MAML2: variants seen among roughly 807,000 people sequenced by gnomAD.
MAML2 encodes mastermind-like protein 2.
In MAML2, 22 loss-of-function variants were observed where a neutral mutation model predicts 96.1. The ratio of observed to expected loss-of-function variants is 0.23; its 90% CI spans 0.16 to 0.33. MAML2 has a LOEUF of 0.33. MAML2 is among the 10% of genes least tolerant of loss of function. The pLI, the probability that MAML2 is intolerant of heterozygous loss-of-function variation, is 1.00. For synonymous variants in MAML2, 561 were observed against 521.3 expected (o/e 1.08, Z -1.04); for missense variants, 1,367 against 1,392.4 (o/e 0.98, Z 0.29).
intron 2 of MAML2, among the ~76,000 whole-genome samples, chr11:96,039,110 T>A (rs1858764179): frequency 6.6e-6 from 1 of 152,042 alleles, no homozygotes; most frequent in Non-Finnish European, 1.5e-5. Flanking sequence ...AAAGAATTAG[T>A]CAGGCATGAT....
Position 95,978,445 on chromosome 11 carries a change from A to T in MAML2, c.*503T>A, listed in dbSNP as rs537580357. ...ATTTGCATACTGTTTGGTTACTCCAAACAAACCTATAACATTTCAATCTAT... is the reference window on the plus strand; with the variant it reads ...ATTTGCATACTGTTTGGTTACTCCATACAAACCTATAACATTTCAATCTAT... On this transcript the variant is annotated 3_prime_UTR_variant, in exon 5 of 5. Transcript: ENST00000524717. 4 of 198,394 alleles carry T rather than the reference A, an allele frequency of 2.0e-5. No homozygotes were observed. The highest frequency in any genetic ancestry group is 4.6e-5 in the African/African-American group (2 of 43,502). 12.3% of individuals were successfully genotyped at this position (198,394 alleles called of 1,614,324 possible). A position where few individuals can be genotyped will look rare whatever the true frequency, so the allele number is the denominator to read the frequency against.
intron 1 of MAML2, among the ~76,000 whole-genome samples, chr11:96,224,435 C>T (rs1294930191): frequency 6.6e-6 from 1 of 152,206 alleles, no homozygotes; most frequent in Admixed American, 6.5e-5. Flanking sequence ...CTATACTTTC[C>T]TACCTCTATG....
chr11:96,283,838 C>A (rs1284529888), intron 1 of MAML2, among the ~76,000 whole-genome samples: 1 of 152,158 alleles, frequency 6.6e-6, no homozygotes, highest in Non-Finnish European at 1.5e-5. Flanking sequence ...ACCTAGAAAA[C>A]AAAAATTTGA....
intron 1 of MAML2, among the ~76,000 whole-genome samples, chr11:96,340,617 G>GT (rs1454905302): frequency 6.6e-6 from 1 of 152,194 alleles, no homozygotes; most frequent in African/African-American, 2.4e-5. Flanking sequence ...TGAAGACAAG[G>GT]TATTTCCTAG....
At chr11:96,282,916 T>C (rs745526270) in intron 1 of MAML2, among the ~76,000 whole-genome samples, 24 of 152,228 alleles carry the variant, frequency 1.6e-4, no homozygotes, top group African/African-American at 4.1e-4. Context: ...CTTCCACTTA[T>C]ATTTTCCTTT....
chr11:96,130,232 A>C (rs1860523326), intron 1 of MAML2, among the ~76,000 whole-genome samples: 2 of 152,236 alleles, frequency 1.3e-5, no homozygotes, highest in African/African-American at 4.8e-5. Context: ...TCTTGTGCAG[A>C]AGATAAACCA....
At chr11:96,125,410 C>T (rs2135850324) in intron 1 of MAML2, among the ~76,000 whole-genome samples, 1 of 152,242 alleles carries the variant, frequency 6.6e-6, no homozygotes, top group Non-Finnish European at 1.5e-5. Flanking sequence ...GAGGTGACAT[C>T]TGTAACACAA....
At position 96,092,735 on chromosome 11, in the gene MAML2, A is replaced by G. The variant is rs1859746944; in HGVS notation, c.1296T>C (p.His432=). 1 of 1,613,976 alleles carries G rather than the reference A, an allele frequency of 6.2e-7. No individual in the cohort carries two copies. The highest frequency in any genetic ancestry group is 1.7e-5 in the Admixed American group (1 of 60,036). Residue 432 remains histidine, a synonymous_variant, in exon 2 of 5, where the codon CAT becomes CAC. Coordinates refer to ENST00000524717, the MANE Select transcript of MAML2 (RefSeq NM_032427.4). The surrounding 1 kb of genome is among the most constrained non-coding windows in gnomAD (Gnocchi z 4.1). ...RALPSWQEVS[H]AQQLKQIAAN... ...CAGCTATCTGTTTGAGCTGCTGGGC[A>G]TGGGATACTTCCTGCCAGCTTGGCA...
intron 1 of MAML2, among the ~76,000 whole-genome samples, chr11:96,114,093 A>AT (rs1312435811): frequency 1.8e-4 from 27 of 152,020 alleles, no homozygotes; most frequent in Admixed American, 1.5e-3. Flanking sequence ...AATTTGTTAA[A>AT]TTTTTTTCAA....
chr11:96,258,814 C>G (rs1862707491), intron 1 of MAML2, among the ~76,000 whole-genome samples: 1 of 152,180 alleles, frequency 6.6e-6, no homozygotes, highest in African/African-American at 2.4e-5. Flanking sequence ...AGACTATGAG[C>G]AGCATGATGT....
intron 1 of MAML2, among the ~76,000 whole-genome samples, chr11:96,201,210 A>C (rs1861816765): frequency 6.6e-6 from 1 of 152,174 alleles, no homozygotes; most frequent in Non-Finnish European, 1.5e-5. Context: ...CATTTCTACT[A>C]TGTAGACTCA....
chr11:96,213,492 T>C (rs1591076156), intron 1 of MAML2, among the ~76,000 whole-genome samples: 1 of 152,234 alleles, frequency 6.6e-6, no homozygotes, highest in African/African-American at 2.4e-5. Flanking sequence ...TATAACTGTA[T>C]AAAATATCCT....
chr11:96,137,250 C>T (rs1440996452), intron 1 of MAML2, among the ~76,000 whole-genome samples: 2 of 152,242 alleles, frequency 1.3e-5, no homozygotes, highest in East Asian at 1.9e-4. Flanking sequence ...GACTGGAAAC[C>T]GAATTCAAAT....
Position 96,166,870 on chromosome 11 carries a change from G to A in MAML2, c.514-73353C>T, listed in dbSNP as rs114550601. 8.3e-3 allele frequency among the ~76,000 whole-genome samples: 1,262 copies of A among 152,250 alleles called. 18 individuals are homozygous for A. The highest frequency in any genetic ancestry group is 0.028 in the African/African-American group (1,183 of 41,540). On this transcript the variant is annotated intron_variant, in intron 1 of 4. Coordinates refer to ENST00000524717, the MANE Select transcript of MAML2 (RefSeq NM_032427.4). ...GTTCTGCCCTACTGACTGCTCACCCGCTAAAGGCTACTTTTCATGAATACA... is the reference window on the plus strand; with the variant it reads ...GTTCTGCCCTACTGACTGCTCACCCACTAAAGGCTACTTTTCATGAATACA...
At chr11:96,027,424 C>T (rs1443761979) in intron 2 of MAML2, among the ~76,000 whole-genome samples, 1 of 152,180 alleles carries the variant, frequency 6.6e-6, no homozygotes, top group Non-Finnish European at 1.5e-5. Flanking sequence ...CAACTTAGGA[C>T]TCTTTGACTC....
rs1340785537 is a variant in MAML2 at position 96,212,149 on chromosome 11, GT to G, written c.514-118633del. ...TGTGTGTGTGTGTGTGTGTGTGTGTGTGGAAGGGGGACTCGTAATCTCATTT... is the reference window on the plus strand; with the variant it reads ...TGTGTGTGTGTGTGTGTGTGTGTGTGGGAAGGGGGACTCGTAATCTCATTT... On this transcript the variant is annotated intron_variant, in intron 1 of 4. Transcript: ENST00000524717. Among the ~76,000 whole-genome samples, 388 of 146,340 alleles carry G rather than the reference GT, an allele frequency of 2.7e-3. 7 individuals carry two copies. The East Asian group carries it at 0.044, about 17-fold the overall frequency.
chr11:96,113,497 C>T (rs910898480), intron 1 of MAML2, among the ~76,000 whole-genome samples: 21 of 151,138 alleles, frequency 1.4e-4, no homozygotes, highest in African/African-American at 4.9e-4. Flanking sequence ...CACCAGCTTC[C>T]CTGAAGTAGA....
At chr11:96,075,644 G>C (rs1470787448) in intron 2 of MAML2, among the ~76,000 whole-genome samples, 1 of 152,238 alleles carries the variant, frequency 6.6e-6, no homozygotes, top group Non-Finnish European at 1.5e-5. Context: ...AAGAAGAGAA[G>C]AGCTGAGCTA....
At chr11:96,095,278 G>A (rs1216510148) in intron 1 of MAML2, among the ~76,000 whole-genome samples, 10 of 152,152 alleles carry the variant, frequency 6.6e-5, no homozygotes, top group Admixed American at 5.2e-4. Flanking sequence ...CCAGGATGCA[G>A]TATAGAGCTG....
Sources: allele counts gnomAD v4.1 joint callset (sites outside exome capture counted in the v4.1 genomes callset), GRCh38; gene constraint gnomAD v4.1.1; non-coding constraint Gnocchi (gnomAD v3.1); transcripts MANE v1.5; gene names NCBI Gene and HGNC (gene_info 2026-07-23, HGNC 2026-07-21).